Variants in NRXN3 observed in about 807,000 individuals in gnomAD.
NRXN3 encodes neurexin III.
A neutral mutation model predicts 137.6 loss-of-function variants in NRXN3; 32 were observed. That is an observed-to-expected ratio of 0.23 (90% CI 0.18 to 0.31). The LOEUF is 0.31. NRXN3 is among the 10% of genes least tolerant of loss of function. NRXN3 has a pLI of 1.00. For synonymous variants in NRXN3, 798 were observed against 784.5 expected (o/e 1.02, Z -0.29); for missense variants, 1,574 against 2,062.5 (o/e 0.76, Z 4.59).
chr14:78,636,075 G>A (rs1170807366), intron 4 of NRXN3, among the ~76,000 whole-genome samples: 1 of 152,062 alleles, frequency 6.6e-6, no homozygotes, highest in African/African-American at 2.4e-5. Flanking sequence ...TTCAATATTT[G>A]TTGAGCGCTG....
intron 15 of NRXN3, among the ~76,000 whole-genome samples, chr14:79,186,543 A>G (rs1404638898): frequency 3.3e-5 from 5 of 152,316 alleles, no homozygotes; most frequent in Non-Finnish European, 7.4e-5. Context: ...TCCCAAAGGC[A>G]GAAGAAAGAA....
At chr14:79,679,570 T>C (rs1230474451) in intron 17 of NRXN3, among the ~76,000 whole-genome samples, 2 of 152,152 alleles carry the variant, frequency 1.3e-5, no homozygotes, top group African/African-American at 4.8e-5. Flanking sequence ...TTGAGTATCC[T>C]TGAGCACTGA....
chr14:79,096,396 C>T (rs2050342138), intron 15 of NRXN3, among the ~76,000 whole-genome samples: 1 of 152,092 alleles, frequency 6.6e-6, no homozygotes, highest in Non-Finnish European at 1.5e-5. Context: ...AGGCATGAGC[C>T]ACCGTGCCCG....
intron 17 of NRXN3, among the ~76,000 whole-genome samples, chr14:79,685,187 A>C (rs1446662876): frequency 6.6e-6 from 1 of 152,158 alleles, no homozygotes; most frequent in Non-Finnish European, 1.5e-5. Flanking sequence ...TCATATATTG[A>C]GGGATTATTT....
intron 4 of NRXN3, among the ~76,000 whole-genome samples, chr14:78,643,065 A>G (rs2097651184): frequency 6.6e-6 from 1 of 152,228 alleles, no homozygotes; most frequent in South Asian, 2.1e-4. Context: ...TCCCTGGAGT[A>G]TGAAGCTGAG....
At chr14:79,570,020 G>A (rs1361766936) in intron 16 of NRXN3, among the ~76,000 whole-genome samples, 5 of 152,120 alleles carry the variant, frequency 3.3e-5, no homozygotes, top group Non-Finnish European at 5.9e-5. Flanking sequence ...TGGGTATAAA[G>A]CATTAATTCT....
intron 10 of NRXN3, 57 bp from the exon 11 acceptor site, chr14:78,957,185 T>C: frequency 6.3e-7 from 1 of 1,596,038 alleles, no homozygotes; most frequent in Non-Finnish European, 8.6e-7. Flanking sequence ...ACAACCCTGA[T>C]GCATGAGCAC....
intron 9 of NRXN3, 153 bp from the exon 10 acceptor site, chr14:78,810,165 C>T: frequency 1.7e-6 from 1 of 598,028 alleles, no homozygotes; most frequent in South Asian, 2.0e-5. Context: ...CATATACACC[C>T]ACCCTTAAAC....
At chr14:79,400,724 A>G (rs1452267741) in intron 15 of NRXN3, among the ~76,000 whole-genome samples, 2 of 152,198 alleles carry the variant, frequency 1.3e-5, no homozygotes, top group African/African-American at 4.8e-5. Flanking sequence ...ATATCAATTA[A>G]TAATCTTTTG....
intron 15 of NRXN3, among the ~76,000 whole-genome samples, chr14:79,375,473 C>T (rs1376936009): frequency 2.6e-5 from 4 of 151,938 alleles, no homozygotes; most frequent in Non-Finnish European, 4.4e-5. Flanking sequence ...GGTTTGTTGT[C>T]TGAGACCTGA....
At chr14:78,268,786 C>A (rs2072237214) in intron 2 of NRXN3, among the ~76,000 whole-genome samples, 1 of 152,124 alleles carries the variant, frequency 6.6e-6, no homozygotes, top group East Asian at 1.9e-4. Context: ...AGGTTATTTA[C>A]ATACACTATA....
chr14:78,637,368 C>A (rs1357226465), intron 4 of NRXN3, among the ~76,000 whole-genome samples: 1 of 152,216 alleles, frequency 6.6e-6, no homozygotes, highest in South Asian at 2.1e-4. Context: ...ATGGAAACTT[C>A]TCTTATGCCC....
Position 79,697,706 on chromosome 14 carries a change from C to G in NRXN3, c.3783C>G (p.Gly1261=), listed in dbSNP as rs1025722475. The part of the protein sequence containing the change: ...GGKDKGRLFQ[G]QLSGLYYDGL... ...AGGACAAAGGACGCCTCTTCCAAGG[C>G]CAACTCTCTGGGCTCTATTATGATG... The change falls in exon 19 of 21, where the codon GGC becomes GGG. Residue 1261 remains glycine, a synonymous_variant. Transcript: ENST00000335750. 1.9e-6 allele frequency: 3 copies of G among 1,612,994 alleles called. No individual in the cohort carries two copies. The highest frequency in any genetic ancestry group is 2.5e-6 in the Non-Finnish European group (3 of 1,179,390).
chr14:78,487,774 AAT>A (rs1599338217), intron 4 of NRXN3, among the ~76,000 whole-genome samples: 2 of 151,472 alleles, frequency 1.3e-5, no homozygotes, highest in East Asian at 3.9e-4. Flanking sequence ...TAAATAAATA[AAT>A]AAATAAATAA....
chr14:78,863,622 A>G (rs955177368), intron 10 of NRXN3, among the ~76,000 whole-genome samples: 3 of 152,104 alleles, frequency 2.0e-5, no homozygotes, highest in Admixed American at 6.6e-5. Context: ...TTGACTCTCA[A>G]TTTTGTTTCT....
At chr14:78,997,556 ATTACT>A (rs2099532557) in intron 15 of NRXN3, among the ~76,000 whole-genome samples, 1 of 152,234 alleles carries the variant, frequency 6.6e-6, no homozygotes, top group South Asian at 2.1e-4. Context: ...AAAGATCTAA[ATTACT>A]TTACTTTGTC....
At chr14:79,072,886 C>CTTT (rs11424011) in intron 15 of NRXN3, among the ~76,000 whole-genome samples, 9 of 139,216 alleles carry the variant, frequency 6.5e-5, no homozygotes, top group Admixed American at 2.2e-4. Context: ...CTCTCTCTCT[C>CTTT]TTTTTTTTTT....
chr14:78,542,338 C>G (rs558069714), intron 4 of NRXN3, among the ~76,000 whole-genome samples: 17 of 152,368 alleles, frequency 1.1e-4, no homozygotes, highest in African/African-American at 3.8e-4. Context: ...CTGTGGTGGG[C>G]TCTGCCCAGT....
chr14:79,743,090 G>A (rs1378174030), intron 19 of NRXN3, among the ~76,000 whole-genome samples: 1 of 152,132 alleles, frequency 6.6e-6, no homozygotes, highest in Non-Finnish European at 1.5e-5. Flanking sequence ...CTATTTTTGT[G>A]GCACCTGGGT....
Sources: allele counts gnomAD v4.1 joint callset (sites outside exome capture counted in the v4.1 genomes callset), GRCh38; gene constraint gnomAD v4.1.1; transcripts MANE v1.5; gene names NCBI Gene and HGNC (gene_info 2026-07-23, HGNC 2026-07-21).